PRKCE: variants seen among roughly 807,000 people sequenced by gnomAD.
PRKCE encodes the protein protein kinase C epsilon, also known as protein kinase C epsilon type.
PRKCE carries 16 observed loss-of-function variants against 85.4 expected under a neutral mutation model. The observed-to-expected ratio is 0.19, with a 90% CI of 0.13 to 0.28. The LOEUF is 0.28. PRKCE is among the 10% of genes least tolerant of loss of function. PRKCE has a pLI of 1.00. For missense variants in PRKCE, 573 were observed against 975.2 expected (o/e 0.59, Z 5.49); for synonymous variants, 388 against 371.5 (o/e 1.04, Z -0.51).
intron 1 of PRKCE, among the ~76,000 whole-genome samples, chr2:45,732,912 G>A (rs1451268380): frequency 6.6e-6 from 1 of 152,184 alleles, no homozygotes; most frequent in Non-Finnish European, 1.5e-5. Context: ...ATAATTAATG[G>A]ATGTCCTAGA....
intron 1 of PRKCE, among the ~76,000 whole-genome samples, chr2:45,748,672 C>T (rs1683323358): frequency 6.6e-6 from 1 of 152,162 alleles, no homozygotes; most frequent in African/African-American, 2.4e-5. Context: ...GAGCTGGTCA[C>T]ACACATCAGT....
rs551690568 is a variant in PRKCE at position 46,152,215 on chromosome 2, T to G, written c.1920+986T>G. ...TTTTTTTTTTTAGACAGAGTCTCAC[T>G]GCAATGGCCAGGCTGGAGTGCAATG... On this transcript the variant is annotated intron_variant, in intron 13 of 14. Coordinates refer to ENST00000306156, the MANE Select transcript of PRKCE (RefSeq NM_005400.3). 4.6e-5 allele frequency among the ~76,000 whole-genome samples: 7 copies of G among 152,138 alleles called. 1 individual carries two copies. Among genetic ancestry groups the G allele is most frequent in the African/African-American group, 1.7e-4 (7 of 41,520 alleles).
chr2:45,708,421 A>G (rs1017644898), intron 1 of PRKCE, among the ~76,000 whole-genome samples: 7 of 152,162 alleles, frequency 4.6e-5, no homozygotes, highest in African/African-American at 1.4e-4. Context: ...TAATTGAATC[A>G]TGGGGCCAGG....
chr2:45,795,771 C>T (rs539944348), intron 1 of PRKCE, among the ~76,000 whole-genome samples: 2 of 152,218 alleles, frequency 1.3e-5, no homozygotes, highest in Admixed American at 6.5e-5. Flanking sequence ...TGTTCTTTGC[C>T]CCTTCTCATG....
chr2:46,010,497 T>G lies in PRKCE; in HGVS notation c.1417T>G (p.Tyr473Asp). The change falls in exon 10 of 15, where the codon TAC (tyrosine) becomes GAC (aspartate). Residue 473 changes from tyrosine (Y) to aspartate (D), a missense_variant. By Grantham distance (160) the Tyr-to-Asp change is radical. Coordinates refer to ENST00000306156, the MANE Select transcript of PRKCE (RefSeq NM_005400.3). ...ARKHPYLTQLYCCFQTKDRLF... is the reference protein window; with the variant it reads ...ARKHPYLTQLDCCFQTKDRLF... ...GAAACACCCGTACCTTACCCAACTC[T>G]ACTGCTGCTTCCAGACCAAGGTATG... 6.3e-7 allele frequency: 1 copy of G among 1,599,662 alleles called. No individual in the cohort carries two copies. Among genetic ancestry groups the G allele is most frequent in the Non-Finnish European group, 8.5e-7 (1 of 1,179,920 alleles).
intron 2 of PRKCE, among the ~76,000 whole-genome samples, chr2:45,928,377 C>T (rs1030591373): frequency 4.6e-5 from 7 of 152,252 alleles, no homozygotes; most frequent in African/African-American, 1.7e-4. Context: ...AAGCAATTCT[C>T]ATGCCTCAGC....
At chr2:45,807,722 T>A (rs545752631) in intron 1 of PRKCE, among the ~76,000 whole-genome samples, 15 of 152,218 alleles carry the variant, frequency 9.9e-5, no homozygotes, top group Admixed American at 2.0e-4. Flanking sequence ...TGGAAACTTG[T>A]TAGAAATGCA....
chr2:46,131,791 A>G (rs1262229006), intron 11 of PRKCE, among the ~76,000 whole-genome samples: 1 of 152,188 alleles, frequency 6.6e-6, no homozygotes, highest in African/African-American at 2.4e-5. Flanking sequence ...GTGTCACTCC[A>G]AGAGTTATTG....
chr2:45,949,059 T>G (rs1477345719), intron 2 of PRKCE, among the ~76,000 whole-genome samples: 2 of 152,266 alleles, frequency 1.3e-5, no homozygotes, highest in Non-Finnish European at 2.9e-5. Context: ...AGTGTTCTAG[T>G]GAACATCGTT....
At chr2:46,180,531 A>C (rs748873607) in intron 14 of PRKCE, among the ~76,000 whole-genome samples, 1 of 152,236 alleles carries the variant, frequency 6.6e-6, no homozygotes, top group Non-Finnish European at 1.5e-5. Flanking sequence ...GAGGCACAGA[A>C]AGAAAGGTAA....
intron 1 of PRKCE, among the ~76,000 whole-genome samples, chr2:45,671,682 T>A (rs371523028): frequency 3.8e-4 from 58 of 152,194 alleles, no homozygotes; most frequent in Middle Eastern, 6.8e-3. Context: ...AAAATGTAAA[T>A]CTGCTATATA....
chr2:46,085,142 G>A (rs908056477), intron 10 of PRKCE, among the ~76,000 whole-genome samples: 3 of 152,078 alleles, frequency 2.0e-5, no homozygotes, highest in Admixed American at 6.5e-5. Context: ...GTCAAGAAAC[G>A]GTGCAAAGAG....
intron 1 of PRKCE, among the ~76,000 whole-genome samples, chr2:45,772,087 CTG>C (rs1685383003): frequency 6.6e-6 from 1 of 151,898 alleles, no homozygotes; most frequent in Admixed American, 6.6e-5. Context: ...GTCAGAGAGA[CTG>C]AGTAGATTGT....
intron 1 of PRKCE, among the ~76,000 whole-genome samples, chr2:45,835,617 G>C (rs1311797728): frequency 1.4e-5 from 2 of 146,168 alleles, no homozygotes; most frequent in Non-Finnish European, 1.5e-5. Context: ...TTTTTTTTAA[G>C]AGACAGGATC....
At chr2:46,058,279 G>A (rs1171234783) in intron 10 of PRKCE, among the ~76,000 whole-genome samples, 1 of 152,182 alleles carries the variant, frequency 6.6e-6, no homozygotes, top group Non-Finnish European at 1.5e-5. Flanking sequence ...GTGGCCCATG[G>A]CAGGTCAGGA....
chr2:46,053,861 A>G (rs1033461733), intron 10 of PRKCE, among the ~76,000 whole-genome samples: 2 of 152,142 alleles, frequency 1.3e-5, no homozygotes, highest in Admixed American at 6.6e-5. Context: ...CCTGTTTTCA[A>G]TTCTTTTTGC....
Position 45,921,197 on chromosome 2 carries a change from T to A in PRKCE, c.413-55232T>A, listed in dbSNP as rs900860117. The stretch of plus-strand genomic sequence containing the variant: ...TAAAGGTATCAGGGAGGTAGTCTTT[T>A]ACACAGCCAAGCCCCTCGTAGAATT... On this transcript the variant is annotated intron_variant, in intron 2 of 14. Coordinates refer to ENST00000306156, the MANE Select transcript of PRKCE (RefSeq NM_005400.3). Among the ~76,000 whole-genome samples, 32 of 152,360 alleles carry A rather than the reference T, an allele frequency of 2.1e-4. 1 individual carries two copies. Among genetic ancestry groups the A allele is most frequent in the African/African-American group, 7.7e-4 (32 of 41,594 alleles).
At chr2:45,955,539 G>T (rs1376330925) in intron 2 of PRKCE, among the ~76,000 whole-genome samples, 2 of 152,146 alleles carry the variant, frequency 1.3e-5, no homozygotes, top group Non-Finnish European at 2.9e-5. Flanking sequence ...CTCCAGGCAT[G>T]CTGGGCTGGT....
intron 2 of PRKCE, among the ~76,000 whole-genome samples, chr2:45,961,165 C>G (rs6728293): frequency 0.012 from 1,770 of 152,306 alleles, 31 homozygotes; most frequent in African/African-American, 0.04. Context: ...TAGCATTGAT[C>G]CTTCCTCTGC....
Sources: allele counts gnomAD v4.1 joint callset (sites outside exome capture counted in the v4.1 genomes callset), GRCh38; gene constraint gnomAD v4.1.1; transcripts MANE v1.5; gene names NCBI Gene and HGNC (gene_info 2026-07-23, HGNC 2026-07-21).